Variants in GALNTL6 observed in about 807,000 individuals in gnomAD.
The protein encoded by GALNTL6 is polypeptide N-acetylgalactosaminyltransferase-like 6.
A neutral mutation model predicts 73.7 loss-of-function variants in GALNTL6; 46 were observed. The ratio of observed to expected loss-of-function variants is 0.62; its 90% confidence interval spans 0.49 to 0.80. GALNTL6 has a LOEUF of 0.80. Among genes scored for constraint, GALNTL6 ranks in the 30% least tolerant of loss-of-function variants. The probability of loss-of-function intolerance (pLI) is 0.00; values close to 1 mark genes in which losing one functional copy is unlikely to be tolerated. For synonymous variants in GALNTL6, 259 were observed against 263.7 expected (o/e 0.98, Z 0.17); for missense variants, 604 against 755.0 (o/e 0.80, Z 2.34).
At chr4:172,894,027 A>C (rs890605872) in intron 8 of GALNTL6, among the ~76,000 whole-genome samples, 1 of 152,108 alleles carries the variant, frequency 6.6e-6, no homozygotes, top group South Asian at 2.1e-4. Context: ...TCCCTCTTCA[A>C]ATATGGTGTA....
chr4:172,391,636 G>A (rs543184044), intron 5 of GALNTL6, among the ~76,000 whole-genome samples: 1 of 152,242 alleles, frequency 6.6e-6, no homozygotes, highest in African/African-American at 2.4e-5. Flanking sequence ...TCTGAATTTT[G>A]GAGGGACACA....
chr4:172,143,210 C>T (rs1349653248), intron 2 of GALNTL6, among the ~76,000 whole-genome samples: 1 of 151,714 alleles, frequency 6.6e-6, no homozygotes, highest in Non-Finnish European at 1.5e-5. Flanking sequence ...GCTTTTCTTT[C>T]TTTTTCTTTT....
At chr4:172,401,110 C>A (rs1744019032) in intron 5 of GALNTL6, among the ~76,000 whole-genome samples, 1 of 152,076 alleles carries the variant, frequency 6.6e-6, no homozygotes, top group Non-Finnish European at 1.5e-5. Context: ...TGCAAAGTTT[C>A]ATTATTCCTT....
intron 2 of GALNTL6, among the ~76,000 whole-genome samples, chr4:172,198,884 T>A (rs933423144): frequency 1.3e-5 from 2 of 152,208 alleles, no homozygotes; most frequent in African/African-American, 4.8e-5. Context: ...TATTTTTTTT[T>A]AAATTTTGGC....
intron 5 of GALNTL6, among the ~76,000 whole-genome samples, chr4:172,796,161 T>A (rs1011477970): frequency 6.6e-6 from 1 of 151,950 alleles, no homozygotes; most frequent in Non-Finnish European, 1.5e-5. Flanking sequence ...TAATATTTTA[T>A]AAGCACATAA....
At chr4:172,464,188 A>C (rs1478854998) in intron 5 of GALNTL6, among the ~76,000 whole-genome samples, 1 of 152,130 alleles carries the variant, frequency 6.6e-6, no homozygotes, top group Non-Finnish European at 1.5e-5. Context: ...GGTGCAAGCC[A>C]CTGCACCTGG....
intron 10 of GALNTL6, among the ~76,000 whole-genome samples, chr4:172,982,266 G>T (rs1223726865): frequency 6.6e-6 from 1 of 152,108 alleles, no homozygotes; most frequent in Non-Finnish European, 1.5e-5. Flanking sequence ...GGCTTCCCAG[G>T]TTCCTCAGAG....
At chr4:172,268,300 C>A (rs910095118) in intron 3 of GALNTL6, among the ~76,000 whole-genome samples, 2 of 152,156 alleles carry the variant, frequency 1.3e-5, no homozygotes, top group African/African-American at 4.8e-5. Flanking sequence ...ATGGAATGCT[C>A]TTGGGATCAC....
intron 5 of GALNTL6, among the ~76,000 whole-genome samples, chr4:172,412,105 C>T (rs568147987): frequency 1.1e-4 from 16 of 152,032 alleles, no homozygotes; most frequent in African/African-American, 1.7e-4. Flanking sequence ...TGCAGTGGCA[C>T]GATCACAGCT....
intron 2 of GALNTL6, among the ~76,000 whole-genome samples, chr4:171,969,898 T>G (rs1342402789): frequency 2.0e-5 from 3 of 151,796 alleles, no homozygotes; most frequent in African/African-American, 7.3e-5. Context: ...GCCTCCCAAA[T>G]AGCTGGGATT....
intron 8 of GALNTL6, among the ~76,000 whole-genome samples, chr4:172,892,495 T>C (rs1746086567): frequency 6.6e-6 from 1 of 152,256 alleles, no homozygotes; most frequent in South Asian, 2.1e-4. Context: ...AGTGGTGTAA[T>C]TCAGGATGCG....
intron 5 of GALNTL6, among the ~76,000 whole-genome samples, chr4:172,523,206 A>G (rs1343153438): frequency 6.6e-6 from 1 of 152,144 alleles, no homozygotes; most frequent in Non-Finnish European, 1.5e-5. Flanking sequence ...ATATATCACA[A>G]TGCATTTATG....
chr4:172,429,465 C>T (rs1731360870), intron 5 of GALNTL6, among the ~76,000 whole-genome samples: 2 of 152,116 alleles, frequency 1.3e-5, no homozygotes, highest in Non-Finnish European at 2.9e-5. Context: ...CCACCTCGGC[C>T]TCCCGAAGTG....
rs57118139 is a variant in GALNTL6, at chr4:172,131,032, CTTTTT to C, written c.139-98622_139-98618del. 2.8e-4 allele frequency among the ~76,000 whole-genome samples: 42 copies of C among 152,024 alleles called. No individual in the cohort carries two copies. In the East Asian group the frequency reaches 7.9e-3, roughly 29 times the overall value. On this transcript the variant is annotated intron_variant, in intron 2 of 12. Coordinates refer to ENST00000506823, the MANE Select transcript of GALNTL6 (RefSeq NM_001034845.3). Reference sequence around the variant, plus strand: ...TCTGGAGATCTTGAAGATGAGTAAACTTTTTTATTTGTTATATTTAGCCAATCCTA... The same window carrying C: ...TCTGGAGATCTTGAAGATGAGTAAACTATTTGTTATATTTAGCCAATCCTA...
At chr4:172,956,549 C>T (rs543665345) in intron 10 of GALNTL6, among the ~76,000 whole-genome samples, 6 of 152,118 alleles carry the variant, frequency 3.9e-5, no homozygotes, top group African/African-American at 1.4e-4. Flanking sequence ...GCAGTGAAAA[C>T]CGGCAGTTTT....
rs963104634 is a variant in GALNTL6 at position 172,404,745 on chromosome 4, T to C, written c.553+56056T>C. On this transcript the variant is annotated intron_variant, in intron 5 of 12. Transcript: ENST00000506823. ...CACTAATAGTACATAATATAGCCAA[T>C]TGCAAACAGCAGTCTAATTTGTTGA... 2.0e-5 allele frequency among the ~76,000 whole-genome samples: 3 copies of C among 152,098 alleles called. No homozygotes were observed. In the South Asian group the frequency reaches 6.2e-4, roughly 31 times the overall value.
At chr4:172,336,275 G>GTTTTTT (rs200566896) in intron 4 of GALNTL6, among the ~76,000 whole-genome samples, 28 of 126,016 alleles carry the variant, frequency 2.2e-4, no homozygotes, top group South Asian at 7.4e-4. Flanking sequence ...GTTTTGTTTT[G>GTTTTTT]TTTTTTTTTT....
chr4:171,827,187 A>G (rs1734847506), intron 2 of GALNTL6, among the ~76,000 whole-genome samples: 1 of 152,164 alleles, frequency 6.6e-6, no homozygotes. Flanking sequence ...CATATGCCAC[A>G]GCTATTTGAT....
intron 5 of GALNTL6, among the ~76,000 whole-genome samples, chr4:172,542,096 G>T (rs1735571813): frequency 6.6e-6 from 1 of 151,632 alleles, no homozygotes; most frequent in South Asian, 2.1e-4. Context: ...GAGAAGAGAA[G>T]AGAAAGAGAA....
Sources: allele counts gnomAD v4.1 joint callset (sites outside exome capture counted in the v4.1 genomes callset), GRCh38; gene constraint gnomAD v4.1.1; transcripts MANE v1.5; gene names NCBI Gene and HGNC (gene_info 2026-07-23, HGNC 2026-07-21).